KIF13B: variants seen among roughly 807,000 people sequenced by gnomAD.
The protein encoded by KIF13B is kinesin-like protein KIF13B.
A neutral mutation model predicts 222.0 loss-of-function variants in KIF13B; 127 were observed. The observed-to-expected ratio is 0.57, with a 90% CI of 0.50 to 0.66. The LOEUF is 0.66. Ranked by LOEUF, KIF13B falls within the 30% of genes least tolerant of loss-of-function variation. The pLI, the probability that KIF13B is intolerant of heterozygous loss-of-function variation, is 0.00. For missense variants in KIF13B, 2,173 were observed against 2,379.0 expected (o/e 0.91, Z 1.80); for synonymous variants, 976 against 919.0 (o/e 1.06, Z -1.12).
At chr8:29,094,143 C>G (rs907247542) in intron 36 of KIF13B, among the ~76,000 whole-genome samples, 6 of 152,202 alleles carry the variant, frequency 3.9e-5, no homozygotes, top group African/African-American at 1.4e-4. Context: ...AACCTCCCGA[C>G]CACACATCCA....
chr8:29,181,826 G>T, intron 7 of KIF13B, 93 bp downstream of exon 7: 1 of 767,364 alleles, frequency 1.3e-6, no homozygotes, highest in Non-Finnish European at 2.1e-6. Flanking sequence ...TATTATATAT[G>T]CAATTTTTAA....
intron 2 of KIF13B, 69 bp downstream of exon 2, chr8:29,245,277 A>T: frequency 9.5e-7 from 1 of 1,050,848 alleles, no homozygotes; most frequent in Non-Finnish European, 1.4e-6. Context: ...AATGCAACTT[A>T]ATTCAGCAGC....
chr8:29,079,549 A>G (rs1807711446), intron 37 of KIF13B, among the ~76,000 whole-genome samples: 1 of 152,242 alleles, frequency 6.6e-6, no homozygotes, highest in African/African-American at 2.4e-5. Context: ...TGACATAAAG[A>G]AGACTAAATT....
chr8:29,127,156 G>C lies in KIF13B; in HGVS notation c.3188C>G (p.Pro1063Arg). The C allele has an allele frequency of 1.9e-6, 3 of 1,613,896 alleles. No homozygotes were observed. Among genetic ancestry groups the C allele is most frequent in the Non-Finnish European group, 2.5e-6 (3 of 1,179,832 alleles). ...CTCATGTGTTCTGGGGGCTCTGAGC[G>C]GTCTAACTTTGACACATCCAATGCC... ...SVGIGCVKVR[P>R]LRAPRTHETF... Residue 1063 changes from proline to arginine, a missense_variant, in exon 25 of 40, where the codon CCG becomes CGG. This residue lies in a region of KIF13B where 1,480 missense variants were observed against 1,722.8 expected (regional missense o/e 0.86). Coordinates refer to ENST00000524189, the MANE Select transcript of KIF13B (RefSeq NM_015254.4).
chr8:29,124,332 AT>A (rs1810011473), intron 26 of KIF13B, among the ~76,000 whole-genome samples: 1 of 152,246 alleles, frequency 6.6e-6, no homozygotes, highest in African/African-American at 2.4e-5. Flanking sequence ...CAGAAAGGGC[AT>A]TCTCAGGTAT....
rs1464327359 is a variant in KIF13B at position 29,196,214 on chromosome 8, C to T, written c.150-15G>A. 1.9e-6 allele frequency: 3 copies of T among 1,540,804 alleles called. No homozygotes were observed. Among genetic ancestry groups the T allele is most frequent in the Non-Finnish European group, 2.6e-6 (3 of 1,143,082 alleles). Reference sequence around the variant, plus strand: ...TCGGCTGGCCCCTGAGCTCCCAAAACAGATGTCATCATTGACGTGAAAGAA... The same window carrying T: ...TCGGCTGGCCCCTGAGCTCCCAAAATAGATGTCATCATTGACGTGAAAGAA... On this transcript the variant is annotated splice_polypyrimidine_tract_variant and intron_variant, in intron 2 of 39. Transcript: ENST00000524189.
At chr8:29,078,533 A>C (rs1441777109) in intron 37 of KIF13B, among the ~76,000 whole-genome samples, 1 of 152,192 alleles carries the variant, frequency 6.6e-6, no homozygotes, top group African/African-American at 2.4e-5. Flanking sequence ...GCTCTTCTAC[A>C]TCTCCCCTGT....
intron 12 of KIF13B, among the ~76,000 whole-genome samples, chr8:29,161,699 A>ACC (rs61187527): frequency 0.048 from 6,735 of 141,556 alleles, 316 homozygotes; most frequent in African/African-American, 0.11. Context: ...CCATCTCAAA[A>ACC]CCCCCCCCCA....
intron 6 of KIF13B, among the ~76,000 whole-genome samples, chr8:29,185,935 T>C (rs1218007442): frequency 6.6e-6 from 1 of 152,194 alleles, no homozygotes; most frequent in Non-Finnish European, 1.5e-5. Flanking sequence ...AATCCAATTC[T>C]CTTTACAAGT....
chr8:29,196,833 A>G (rs1248271981), intron 2 of KIF13B, among the ~76,000 whole-genome samples: 1 of 152,086 alleles, frequency 6.6e-6, no homozygotes, highest in Non-Finnish European at 1.5e-5. Context: ...AAATTCCAAA[A>G]TGCTCCAAAG....
rs576220672 is a variant in KIF13B at position 29,259,916 on chromosome 8, T to C, written c.55+3064A>G. 5.3e-5 allele frequency among the ~76,000 whole-genome samples: 8 copies of C among 152,360 alleles called. No individual in the cohort carries two copies. In the South Asian group the frequency reaches 1.7e-3, roughly 32 times the overall value. On this transcript the variant is annotated intron_variant, in intron 1 of 39. Transcript: ENST00000524189. ...ATGAAGAAAGGCAAAATAAAGGTTG[T>C]AATATTAAAATTATGTAAAATTACA...
rs562329762 is a variant in KIF13B at position 29,175,971 on chromosome 8, G to A, written c.945+97C>T. Reference sequence around the variant, plus strand: ...AATTATACATTTGCACACCGATAGAGGAAATGATACCTGGAAGGGATTAAC... The same window carrying A: ...AATTATACATTTGCACACCGATAGAAGAAATGATACCTGGAAGGGATTAAC... On this transcript the variant is annotated intron_variant, in intron 10 of 39. Transcript: ENST00000524189. The A allele has an allele frequency of 1.3e-5, 9 of 718,646 alleles. No homozygotes were observed. The African/African-American group carries it at 1.6e-4, about 13-fold the overall frequency. 44.5% of individuals were successfully genotyped at this position (718,646 alleles called of 1,614,324 possible).
chr8:29,263,143 C>A (rs1215990170), upstream of KIF13B: 2 of 341,778 alleles, frequency 5.9e-6, no homozygotes, highest in Middle Eastern at 1.0e-3. Flanking sequence ...GGGTGGGGAC[C>A]GGGCTGGGGG....
At chr8:29,108,579 C>G (rs980369140) in intron 34 of KIF13B, among the ~76,000 whole-genome samples, 1 of 152,216 alleles carries the variant, frequency 6.6e-6, no homozygotes, top group Non-Finnish European at 1.5e-5. Context: ...AACTCACAAA[C>G]TATTTAAACT....
chr8:29,071,785 G>T lies in KIF13B; in HGVS notation c.5053C>A (p.Gln1685Lys), dbSNP rs1484438426. The T allele has an allele frequency of 1.3e-6, 2 of 1,547,900 alleles. No individual in the cohort carries two copies. The highest frequency in any genetic ancestry group is 1.2e-5 in the South Asian group (1 of 84,032). ...TCCTCGGAATCAGAGGCCAGGGCCTGTCCCCCGGCGCCCGGGGCCGGCGCA... is the reference window on the plus strand; with the variant it reads ...TCCTCGGAATCAGAGGCCAGGGCCTTTCCCCCGGCGCCCGGGGCCGGCGCA... ...GNAPAPGAGG[Q>K]ALASDSEEAD... is the part of the protein sequence containing the mutation. The change falls in exon 39 of 40, where the codon CAG becomes AAG. Residue 1685 changes from glutamine (Q) to lysine (K), a missense_variant. Gln to Lys is a moderately conservative substitution (Grantham distance 53). Transcript: ENST00000524189. The surrounding 1 kb of genome is among the most constrained non-coding windows in gnomAD (Gnocchi z 4.9).
At position 29,118,725 on chromosome 8, in the gene KIF13B, T is replaced by G; in HGVS notation, c.3660+143A>C. ...ATATGATGTTCAAGCTCCATTCTTC[T>G]GGAAGTCATGATGAAAGGTTTTGCT... On this transcript the variant is annotated intron_variant, in intron 30 of 39. Transcript: ENST00000524189. The G allele has an allele frequency of 3.8e-6, 3 of 785,202 alleles. No homozygotes were observed. In the South Asian group the frequency reaches 5.3e-5, roughly 14 times the overall value. The allele number at this position is 785,202 out of a possible 1,614,324, so 48.6% of individuals were successfully genotyped here.
chr8:29,183,166 T>TAG (rs1812784142), intron 6 of KIF13B, among the ~76,000 whole-genome samples: 1 of 132,174 alleles, frequency 7.6e-6, no homozygotes, highest in Non-Finnish European at 1.6e-5. Flanking sequence ...TCCTTAAAGT[T>TAG]TGTTTTTTTT....
chr8:29,098,589 C>G (rs1808646592), intron 36 of KIF13B, among the ~76,000 whole-genome samples: 1 of 133,118 alleles, frequency 7.5e-6, no homozygotes, highest in Non-Finnish European at 1.6e-5. Flanking sequence ...GGTGACAGAG[C>G]AAGACTCTGT....
Sources: allele counts gnomAD v4.1 joint callset (sites outside exome capture counted in the v4.1 genomes callset), GRCh38; gene constraint gnomAD v4.1.1; regional missense constraint gnomAD v4.1.1; non-coding constraint Gnocchi (gnomAD v3.1); transcripts MANE v1.5; gene names NCBI Gene and HGNC (gene_info 2026-07-23, HGNC 2026-07-21).